Variants in ASCC3 observed in about 807,000 individuals in gnomAD.
ASCC3 encodes the protein activating signal cointegrator 1 complex subunit 3, also known as ASC-1 complex subunit P200.
ASCC3 carries 158 observed loss-of-function variants against 256.3 expected under a neutral mutation model. That is an observed-to-expected ratio of 0.62 (90% CI 0.54 to 0.70). ASCC3 has a LOEUF of 0.70. ASCC3 is among the 30% of genes least tolerant of loss of function. The pLI is 0.00. For missense variants in ASCC3, 2,259 were observed against 2,626.0 expected, an observed-to-expected ratio of 0.86 and a Z score of 3.05; for synonymous variants, 948 against 883.4, an observed-to-expected ratio of 1.07 and a Z score of -1.30.
At chr6:100,527,738 T>C (rs560851302) in intron 37 of ASCC3, among the ~76,000 whole-genome samples, 9 of 152,268 alleles carry the variant, frequency 5.9e-5, no homozygotes, top group Non-Finnish European at 8.8e-5. Flanking sequence ...TAATGAAAAA[T>C]ACCCACATCG....
rs1490440990 is a variant in ASCC3 at position 100,662,458 on chromosome 6, G to A, written c.2365C>T (p.Gln789Ter). The change falls in exon 15 of 42, where the codon CAG becomes TAG. Residue 789 changes from glutamine (Q) to a stop codon, truncating the protein, a stop_gained. Transcript: ENST00000369162. LOFTEE classifies it high-confidence loss of function. Reference protein sequence around the residue: ...FSIHHAGMLRQDRNLVENLFS... With the variant: ...FSIHHAGMLR ...AAGTTTTCAACTAAATTTCTGTCCT[G>A]CCGAAGCATTCCTGCATGATGAATA... 1.2e-6 allele frequency: 2 copies of A among 1,613,266 alleles called. No homozygotes were observed. The highest frequency in any genetic ancestry group is 8.5e-7 in the Non-Finnish European group (1 of 1,179,500).
intron 8 of ASCC3, among the ~76,000 whole-genome samples, chr6:100,789,535 A>G (rs1769251428): frequency 6.6e-6 from 1 of 151,978 alleles, no homozygotes; most frequent in African/African-American, 2.4e-5. Flanking sequence ...TTATTATCAA[A>G]TATCCTACCC....
chr6:100,582,304 C>T (rs1222842052), intron 36 of ASCC3, among the ~76,000 whole-genome samples: 1 of 152,066 alleles, frequency 6.6e-6, no homozygotes, highest in African/African-American at 2.4e-5. Flanking sequence ...TCCTTCACGT[C>T]CCTTGTAAGT....
chr6:100,776,644 C>T (rs992334370), intron 8 of ASCC3, among the ~76,000 whole-genome samples: 6 of 151,934 alleles, frequency 3.9e-5, no homozygotes, highest in Admixed American at 1.3e-4. Flanking sequence ...CGTGAGTGCG[C>T]ACTCTATTTT....
intron 8 of ASCC3, among the ~76,000 whole-genome samples, chr6:100,787,628 G>T (rs72610822): frequency 0.063 from 9,582 of 152,066 alleles, 693 homozygotes; most frequent in East Asian, 0.3. Context: ...GCATGGCAAA[G>T]AATAGACATG....
chr6:100,646,302 T>C (rs1315070900), intron 22 of ASCC3, among the ~76,000 whole-genome samples: 1 of 151,946 alleles, frequency 6.6e-6, no homozygotes, highest in Non-Finnish European at 1.5e-5. Context: ...GCTATAATTT[T>C]TTACTATTAT....
chr6:100,766,763 T>C, intron 9 of ASCC3, 58 bp from the exon 10 acceptor site: 1 of 1,597,650 alleles, frequency 6.3e-7, no homozygotes, highest in Non-Finnish European at 8.6e-7. Flanking sequence ...TCATTTGTCT[T>C]ACAGTAGCCA....
intron 36 of ASCC3, among the ~76,000 whole-genome samples, chr6:100,583,659 A>G (rs557575181): frequency 6.6e-5 from 10 of 152,144 alleles, no homozygotes; most frequent in African/African-American, 2.4e-4. Flanking sequence ...TTGCTTTTCT[A>G]GTTCTTTTAA....
intron 13 of ASCC3, among the ~76,000 whole-genome samples, chr6:100,688,712 A>C (rs1777699291): frequency 6.6e-6 from 1 of 152,170 alleles, no homozygotes; most frequent in Admixed American, 6.5e-5. Context: ...TCCAACAATT[A>C]CGTGACAGGC....
At chr6:100,660,888 C>T (rs959137479) in intron 16 of ASCC3, among the ~76,000 whole-genome samples, 20 of 151,580 alleles carry the variant, frequency 1.3e-4, no homozygotes, top group Non-Finnish European at 2.5e-4. Flanking sequence ...GTCTTTTTCT[C>T]CCCTTTTGGA....
At chr6:100,521,210 C>A (rs142072976) in intron 37 of ASCC3, among the ~76,000 whole-genome samples, 3 of 152,080 alleles carry the variant, frequency 2.0e-5, no homozygotes, top group East Asian at 1.9e-4. Flanking sequence ...TATTCTAAGA[C>A]CCTAACTTTA....
chr6:100,514,722 A>C (rs1284307475), intron 39 of ASCC3, among the ~76,000 whole-genome samples: 1 of 152,122 alleles, frequency 6.6e-6, no homozygotes, highest in Non-Finnish European at 1.5e-5. Flanking sequence ...TCATCTATTG[A>C]ATCAGGCAAG....
Position 100,644,049 on chromosome 6 carries a change from A to C in ASCC3, c.3714T>G (p.Phe1238Leu), listed in dbSNP as rs752235746. ...TNDHIYHSEY[F>L]LALKKQVISK... ...CACTTACTTGTTTTTTTAGAGCTAG[A>C]AAATACTCTGAATGATAAATATGAT... The change falls in exon 23 of 42, where the codon TTT (phenylalanine) becomes TTG (leucine). Residue 1238 changes from phenylalanine to leucine, a missense_variant. Phe to Leu is a conservative substitution (Grantham distance 22). Transcript: ENST00000369162. The C allele has an allele frequency of 4.3e-6, 7 of 1,611,654 alleles. No homozygotes were observed. Among genetic ancestry groups the C allele is most frequent in the Non-Finnish European group, 5.9e-6 (7 of 1,178,416 alleles).
At chr6:100,773,390 A>C (rs886295618) in intron 8 of ASCC3, among the ~76,000 whole-genome samples, 1 of 152,200 alleles carries the variant, frequency 6.6e-6, no homozygotes, top group Admixed American at 6.5e-5. Context: ...AAATCTGATC[A>C]TGTCACATTC....
intron 8 of ASCC3, among the ~76,000 whole-genome samples, chr6:100,768,403 G>C (rs1252804533): frequency 6.6e-6 from 1 of 151,986 alleles, no homozygotes; most frequent in African/African-American, 2.4e-5. Context: ...ACACTGGTTG[G>C]GATTACTGGC....
At position 100,509,218 on chromosome 6, in the gene ASCC3, G is replaced by T; in HGVS notation, c.*168C>A. 1 of 835,264 alleles carries T rather than the reference G, an allele frequency of 1.2e-6. No individual in the cohort carries two copies. The highest frequency in any genetic ancestry group is 2.0e-6 in the Non-Finnish European group (1 of 511,960). 51.7% of individuals were successfully genotyped at this position (835,264 alleles called of 1,614,324 possible). A position where few individuals can be genotyped will look rare whatever the true frequency, so the allele number is the denominator to read the frequency against. On this transcript the variant is annotated 3_prime_UTR_variant, in exon 42 of 42. Transcript: ENST00000369162. ...CAACATTTGTTAAAAGGCCACTGTGGTTAACTTTATGTCACTGGAGTCAAT... is the reference window on the plus strand; with the variant it reads ...CAACATTTGTTAAAAGGCCACTGTGTTTAACTTTATGTCACTGGAGTCAAT...
intron 36 of ASCC3, among the ~76,000 whole-genome samples, chr6:100,543,317 CA>C (rs1219221732): frequency 1.3e-5 from 2 of 152,120 alleles, no homozygotes; most frequent in Admixed American, 1.3e-4. Flanking sequence ...CAAATGCAGC[CA>C]TTTTTTTATG....
chr6:100,665,286 A>G (rs1399055191), intron 14 of ASCC3, among the ~76,000 whole-genome samples: 1 of 152,100 alleles, frequency 6.6e-6, no homozygotes, highest in Admixed American at 6.6e-5. Context: ...TTCTATTTCT[A>G]TTCTTGCATA....
intron 40 of ASCC3, chr6:100,510,443 T>C (rs774089418): frequency 1.5e-5 from 4 of 259,408 alleles, no homozygotes; most frequent in African/African-American, 4.5e-5. Context: ...ACCACATTGG[T>C]AGATGAACAA....
Sources: allele counts gnomAD v4.1 joint callset (sites outside exome capture counted in the v4.1 genomes callset), GRCh38; gene constraint gnomAD v4.1.1; transcripts MANE v1.5; gene names NCBI Gene and HGNC (gene_info 2026-07-23, HGNC 2026-07-21).